Variants in PCSK5 observed in about 807,000 individuals in gnomAD.
PCSK5 encodes proprotein convertase subtilisin/kexin type 5.
PCSK5 carries 129 observed loss-of-function variants against 233.2 expected under a neutral mutation model. The ratio of observed to expected loss-of-function variants is 0.55; its 90% CI spans 0.48 to 0.64. The LOEUF is 0.64. PCSK5 is among the 30% of genes least tolerant of loss of function. The pLI is 0.00. For synonymous variants in PCSK5, 825 were observed against 879.2 expected (o/e 0.94, Z 1.09); for missense variants, 2,076 against 2,430.1 (o/e 0.85, Z 3.06).
At chr9:75,923,779 C>G (rs1823356856) in intron 1 of PCSK5, among the ~76,000 whole-genome samples, 1 of 152,174 alleles carries the variant, frequency 6.6e-6, no homozygotes, top group African/African-American at 2.4e-5. Context: ...TGTGCTCCTT[C>G]AGGAGATTCT....
At chr9:76,013,553 A>G (rs894285054) in intron 3 of PCSK5, among the ~76,000 whole-genome samples, 1 of 152,230 alleles carries the variant, frequency 6.6e-6, no homozygotes, top group Admixed American at 6.5e-5. Context: ...GAAATGTGAT[A>G]GGACTTGGAG....
At chr9:76,138,342 G>A (rs529891812) in intron 10 of PCSK5, among the ~76,000 whole-genome samples, 30 of 152,236 alleles carry the variant, frequency 2.0e-4, no homozygotes, top group Admixed American at 5.2e-4. Context: ...GAAGGCATCT[G>A]CTATAGAGAA....
chr9:76,291,595 T>G (rs1426862514), intron 24 of PCSK5, among the ~76,000 whole-genome samples: 1 of 152,160 alleles, frequency 6.6e-6, no homozygotes, highest in African/African-American at 2.4e-5. Flanking sequence ...TAGGCTGAGA[T>G]GATGACTCTC....
intron 2 of PCSK5, among the ~76,000 whole-genome samples, chr9:75,949,979 T>C (rs1371543952): frequency 6.6e-6 from 1 of 152,222 alleles, no homozygotes; most frequent in Non-Finnish European, 1.5e-5. Flanking sequence ...TTTATAACAG[T>C]ATCTGTAAGC....
At chr9:75,945,096 C>T (rs10869671) in intron 2 of PCSK5, among the ~76,000 whole-genome samples, 85,777 of 151,150 alleles carry the variant, frequency 0.57, 24,505 homozygotes, top group Middle Eastern at 0.68. Flanking sequence ...GCAACAAGAG[C>T]GAAATTCCAT....
At chr9:75,955,235 C>T (rs1335565223) in intron 2 of PCSK5, among the ~76,000 whole-genome samples, 2 of 152,054 alleles carry the variant, frequency 1.3e-5, no homozygotes, top group Non-Finnish European at 2.9e-5. Context: ...TTTCACTATG[C>T]CGGGCTATCT....
intron 5 of PCSK5, among the ~76,000 whole-genome samples, chr9:76,039,755 C>A (rs144786596): frequency 6.6e-6 from 1 of 152,116 alleles, no homozygotes; most frequent in Non-Finnish European, 1.5e-5. Flanking sequence ...CTTTGAGAAG[C>A]TTGGTATATG....
intron 3 of PCSK5, among the ~76,000 whole-genome samples, chr9:76,018,669 A>G (rs755533095): frequency 6.6e-6 from 1 of 152,220 alleles, no homozygotes; most frequent in Non-Finnish European, 1.5e-5. Context: ...CTGATTTACC[A>G]GCACTTTATT....
chr9:76,025,430 A>G (rs964552570), intron 4 of PCSK5, among the ~76,000 whole-genome samples: 1 of 151,848 alleles, frequency 6.6e-6, no homozygotes, highest in African/African-American at 2.4e-5. Context: ...AGACCAAGCC[A>G]CTCAACAGAC....
At chr9:76,063,238 G>C (rs972344394) in intron 5 of PCSK5, among the ~76,000 whole-genome samples, 2 of 147,324 alleles carry the variant, frequency 1.4e-5, no homozygotes, top group African/African-American at 5.0e-5. Flanking sequence ...GGGCTTAAGT[G>C]ATTCTCCCAC....
At chr9:76,162,799 G>A (rs1822922890) in intron 12 of PCSK5, among the ~76,000 whole-genome samples, 1 of 152,120 alleles carries the variant, frequency 6.6e-6, no homozygotes, top group Non-Finnish European at 1.5e-5. Context: ...CATTTTATCT[G>A]TCCTACCCCT....
intron 24 of PCSK5, among the ~76,000 whole-genome samples, chr9:76,275,814 C>G (rs17062335): frequency 0.037 from 5,626 of 152,276 alleles, 337 homozygotes; most frequent in African/African-American, 0.13. Flanking sequence ...TGGTACACTA[C>G]ATTAGAGGTT....
rs1243881101 is a variant in PCSK5 at position 75,908,913 on chromosome 9, ATCTATCTATCTC to A, written c.192+17548_192+17559del. Among the ~76,000 whole-genome samples the A allele has an allele frequency of 4.9e-3, 596 of 121,788 alleles. 3 individuals are homozygous for A. The highest frequency in any genetic ancestry group is 0.015 in the African/African-American group (491 of 33,216). 79.9% of individuals were successfully genotyped at this position (121,788 alleles called of 152,430 possible). ...TATCTATCTATCTATCTATCTATCT[ATCTATCTATCTC>A]TCTATCTCTCTCTCTGTCTATCTAT... is the stretch of plus-strand genomic sequence containing the variant. On this transcript the variant is annotated intron_variant, in intron 1 of 37. Coordinates refer to ENST00000674117, the MANE Select transcript of PCSK5 (RefSeq NM_001372043.1).
chr9:75,965,896 A>G (rs1825563317), intron 2 of PCSK5, among the ~76,000 whole-genome samples: 1 of 152,124 alleles, frequency 6.6e-6, no homozygotes. Context: ...TGCAACCACC[A>G]CCCGAGGGCT....
At chr9:76,351,575 A>T (rs559634185) in intron 36 of PCSK5, among the ~76,000 whole-genome samples, 1 of 136,820 alleles carries the variant, frequency 7.3e-6, no homozygotes, top group African/African-American at 2.5e-5. Context: ...AAGGAAGGGA[A>T]GGGAGGAAGG....
intron 1 of PCSK5, among the ~76,000 whole-genome samples, chr9:75,922,814 TGGGA>T: frequency 6.6e-6 from 1 of 152,208 alleles, no homozygotes; most frequent in Non-Finnish European, 1.5e-5. Context: ...CACTTGAACC[TGGGA>T]AAATCTGGTG....
At chr9:76,353,265 A>G (rs1193389013) in intron 36 of PCSK5, among the ~76,000 whole-genome samples, 2 of 152,160 alleles carry the variant, frequency 1.3e-5, no homozygotes, top group African/African-American at 4.8e-5. Context: ...CATTTCCAGC[A>G]CCAGTCAAGG....
At chr9:76,222,323 T>C (rs902849336) in intron 20 of PCSK5, among the ~76,000 whole-genome samples, 2 of 151,834 alleles carry the variant, frequency 1.3e-5, no homozygotes, top group Non-Finnish European at 2.9e-5. Flanking sequence ...TTTGTGTAGA[T>C]ATTTTTTTAA....
At chr9:76,222,177 C>CCT (rs34138130) in intron 20 of PCSK5, among the ~76,000 whole-genome samples, 12,765 of 152,134 alleles carry the variant, frequency 0.084, 695 homozygotes, top group Admixed American at 0.14. Context: ...AGGAGGTCTC[C>CCT]CAAGCCTCAC....
Sources: allele counts gnomAD v4.1 joint callset (sites outside exome capture counted in the v4.1 genomes callset), GRCh38; gene constraint gnomAD v4.1.1; transcripts MANE v1.5; gene names NCBI Gene and HGNC (gene_info 2026-07-23, HGNC 2026-07-21).